The following R3HDM1 variants were observed in gnomAD, a reference collection of about 807,000 sequenced individuals.
R3HDM1 encodes R3H domain-containing protein 1.
R3HDM1 carries 46 observed loss-of-function variants against 141.1 expected under a neutral mutation model. That is an observed-to-expected ratio of 0.33 (90% CI 0.26 to 0.42). The LOEUF (loss-of-function observed/expected upper bound fraction) is 0.42. R3HDM1 is among the 10% of genes least tolerant of loss of function. The pLI, the probability that R3HDM1 is intolerant of heterozygous loss-of-function variation, is 1.00. For missense variants in R3HDM1, 1,184 were observed against 1,368.3 expected (o/e 0.87, Z 2.12); for synonymous variants, 435 against 472.9 (o/e 0.92, Z 1.04).
At chr2:135,641,424 C>T in intron 14 of R3HDM1, 112 bp from the exon 15 acceptor site, 4 of 1,244,434 alleles carry the variant, frequency 3.2e-6, no homozygotes, top group Non-Finnish European at 4.4e-6. Context: ...AGAGCCAATG[C>T]TTTTATGTAG....
intron 21 of R3HDM1, among the ~76,000 whole-genome samples, chr2:135,687,642 C>T (rs2071587714): frequency 6.6e-6 from 1 of 151,774 alleles, no homozygotes; most frequent in African/African-American, 2.4e-5. Context: ...GGCTCTTACT[C>T]CCAATTAGAC....
intron 1 of R3HDM1, among the ~76,000 whole-genome samples, chr2:135,574,216 C>T (rs1704835734): frequency 6.6e-6 from 1 of 152,062 alleles, no homozygotes; most frequent in South Asian, 2.1e-4. Context: ...TTTAAAATCA[C>T]AAGAGACTAC....
intron 21 of R3HDM1, among the ~76,000 whole-genome samples, chr2:135,691,466 T>G (rs1399912769): frequency 6.6e-6 from 1 of 151,116 alleles, no homozygotes; most frequent in Non-Finnish European, 1.5e-5. Flanking sequence ...ATACAAAAAT[T>G]AGCTGGGCGT....
At chr2:135,672,081 G>T (rs1052060391) in intron 19 of R3HDM1, among the ~76,000 whole-genome samples, 1 of 152,132 alleles carries the variant, frequency 6.6e-6, no homozygotes, top group South Asian at 2.1e-4. Flanking sequence ...GGACAAAATC[G>T]TAAAGGGATT....
chr2:135,602,765 A>C (rs1033044672), intron 2 of R3HDM1, 57 bp downstream of exon 2: 2 of 1,354,848 alleles, frequency 1.5e-6, no homozygotes, highest in African/African-American at 3.0e-5. Flanking sequence ...CTCACCTATA[A>C]AAAGCAAGAA....
At chr2:135,613,709 G>A (rs1254196899) in intron 3 of R3HDM1, among the ~76,000 whole-genome samples, 3 of 152,160 alleles carry the variant, frequency 2.0e-5, no homozygotes, top group East Asian at 3.9e-4. Context: ...CCAGCTACTT[G>A]GGAGGCTGAG....
chr2:135,551,295 G>A (rs895908708), intron 1 of R3HDM1, among the ~76,000 whole-genome samples: 6 of 152,182 alleles, frequency 3.9e-5, no homozygotes, highest in Non-Finnish European at 5.9e-5. Flanking sequence ...GAGGCTGCCC[G>A]CTGTAGCTGC....
chr2:135,583,464 A>G (rs1378545015), intron 1 of R3HDM1, among the ~76,000 whole-genome samples: 2 of 152,224 alleles, frequency 1.3e-5, no homozygotes, highest in African/African-American at 4.8e-5. Context: ...GTCTGCTGGT[A>G]GAAAACATAC....
intron 1 of R3HDM1, among the ~76,000 whole-genome samples, chr2:135,567,860 C>T (rs188577279): frequency 6.6e-6 from 1 of 150,794 alleles, no homozygotes; most frequent in East Asian, 1.9e-4. Flanking sequence ...GCACCTCACA[C>T]TCCCAAGTAG....
intron 19 of R3HDM1, chr2:135,670,318 A>G: frequency 1.0e-6 from 1 of 985,236 alleles, no homozygotes; most frequent in Non-Finnish European, 1.2e-6. Context: ...AAGCTGACAG[A>G]GTTTGCTCTA....
chr2:135,722,481 A>C lies in R3HDM1; in HGVS notation c.2977A>C (p.Ser993Arg), dbSNP rs781391685. The C allele has an allele frequency of 3.7e-6, 6 of 1,613,814 alleles. No individual in the cohort carries two copies. The East Asian group carries it at 1.3e-4, about 36-fold the overall frequency. ...TGTGGGTTTTCAGGGTCAGCCTGGC[A>C]GCAGGCATGGAAACCGAGGAAGGAG... is the stretch of plus-strand genomic sequence containing the variant. ...HIPNQQGQPGSRHGNRGRRQA... is the reference protein window; with the variant it reads ...HIPNQQGQPGRRHGNRGRRQA... Residue 993 changes from serine (S) to arginine (R), a missense_variant, in exon 26 of 27, where the codon AGC becomes CGC. By Grantham distance (110) the Ser-to-Arg change is moderately radical. This residue lies in a region of R3HDM1 where 182 missense variants were observed against 252.6 expected (regional missense o/e 0.72). Coordinates refer to ENST00000683871, the MANE Select transcript of R3HDM1 (RefSeq NM_001378107.1).
At chr2:135,552,919 C>T (rs373074623) in intron 1 of R3HDM1, among the ~76,000 whole-genome samples, 2 of 152,026 alleles carry the variant, frequency 1.3e-5, no homozygotes, top group African/African-American at 4.8e-5. Context: ...CTCTGTTGCC[C>T]AGGCTGAAGA....
At chr2:135,601,355 G>A (rs2059610165) in intron 1 of R3HDM1, among the ~76,000 whole-genome samples, 1 of 152,006 alleles carries the variant, frequency 6.6e-6, no homozygotes, top group Non-Finnish European at 1.5e-5. Context: ...AGGATATATC[G>A]GGTTCCAAGT....
intron 5 of R3HDM1, chr2:135,620,401 G>A (rs2061421789): frequency 1.2e-6 from 1 of 839,334 alleles, no homozygotes. Context: ...TGGTTGATGA[G>A]TGTAAGGAAG....
intron 21 of R3HDM1, among the ~76,000 whole-genome samples, chr2:135,682,219 A>G (rs941668929): frequency 1.3e-5 from 2 of 151,848 alleles, no homozygotes; most frequent in Non-Finnish European, 2.9e-5. Flanking sequence ...TGCCAAAGTC[A>G]TCATTTCTAT....
chr2:135,715,424 T>A, intron 23 of R3HDM1, 126 bp from the exon 24 acceptor site: 1 of 1,039,048 alleles, frequency 9.6e-7, no homozygotes, highest in Non-Finnish European at 1.3e-6. Flanking sequence ...TTTTGGGGAG[T>A]TGCAGATCAC....
At chr2:135,705,339 C>T (rs1479473668) in intron 21 of R3HDM1, among the ~76,000 whole-genome samples, 1 of 152,216 alleles carries the variant, frequency 6.6e-6, no homozygotes, top group Non-Finnish European at 1.5e-5. Flanking sequence ...AGAGTTGGAA[C>T]ACAGCCCTGT....
At chr2:135,656,897 C>A (rs1285602140) in intron 18 of R3HDM1, among the ~76,000 whole-genome samples, 2 of 151,674 alleles carry the variant, frequency 1.3e-5, no homozygotes, top group East Asian at 3.9e-4. Flanking sequence ...AGTTCAAGAC[C>A]AGCCTGGCCA....
intron 2 of R3HDM1, among the ~76,000 whole-genome samples, chr2:135,603,282 A>T (rs891899773): frequency 6.6e-6 from 1 of 152,166 alleles, no homozygotes; most frequent in African/African-American, 2.4e-5. Flanking sequence ...AAACCACTGC[A>T]CCTGGCCCTA....
Sources: gnomAD v4.1 joint callset for allele counts (sites outside exome capture counted in the v4.1 genomes callset) on GRCh38, gnomAD v4.1.1 for gene constraint, gnomAD v4.1.1 regional missense constraint, MANE v1.5 for transcripts, NCBI Gene and HGNC (gene_info 2026-07-23, HGNC 2026-07-21) for gene names.